NDNF: variants seen among roughly 807,000 people sequenced by gnomAD.
NDNF encodes protein NDNF.
In NDNF, 16 loss-of-function variants were observed where a neutral mutation model predicts 42.0. That is an observed-to-expected ratio of 0.38 (90% CI 0.26 to 0.58). NDNF has a LOEUF of 0.58. NDNF is among the 20% of genes least tolerant of loss of function. NDNF has a pLI of 0.67. For synonymous variants in NDNF, 248 were observed against 251.7 expected, an observed-to-expected ratio of 0.99 and a Z score of 0.14; for missense variants, 616 against 666.2, an observed-to-expected ratio of 0.92 and a Z score of 0.83.
rs1179547208 is a variant in NDNF, at chr4:121,036,754, T to G, written c.1217A>C (p.Gln406Pro). ...LLSQNVEGIQ[Q>P]FQLRGKPKAK... ...TTTAGGTTTTCCTCTAAGCTGAAAC[T>G]GCTGAATGCCTTCCACATTCTGAGA... Residue 406 changes from glutamine to proline, a missense_variant, in exon 4 of 4, where the codon CAG becomes CCG. Coordinates refer to ENST00000379692, the MANE Select transcript of NDNF (RefSeq NM_024574.4). 6.2e-7 allele frequency: 1 copy of G among 1,614,162 alleles called. No homozygotes were observed. Among genetic ancestry groups the G allele is most frequent in the South Asian group, 1.1e-5 (1 of 91,076 alleles).
At chr4:121,040,722 A>G (rs531713764) in intron 2 of NDNF, among the ~76,000 whole-genome samples, 1 of 152,284 alleles carries the variant, frequency 6.6e-6, no homozygotes, top group African/African-American at 2.4e-5. Flanking sequence ...AGCTCCCTGC[A>G]GCCTCAAACT....
intron 1 of NDNF, chr4:121,061,105 A>C (rs1342756891): frequency 6.6e-6 from 1 of 152,214 alleles, no homozygotes; most frequent in African/African-American, 2.4e-5. Flanking sequence ...GTAACTTAAA[A>C]GGAACAGTCT....
chr4:121,046,755 T>C (rs1413584321), intron 1 of NDNF, among the ~76,000 whole-genome samples: 2 of 152,244 alleles, frequency 1.3e-5, no homozygotes, highest in South Asian at 2.1e-4. Context: ...TAAGTAATGA[T>C]GGATCATTCT....
intron 2 of NDNF, among the ~76,000 whole-genome samples, chr4:121,042,967 A>C (rs1279086690): frequency 2.0e-5 from 3 of 152,236 alleles, no homozygotes; most frequent in Non-Finnish European, 4.4e-5. Flanking sequence ...CATATAAAGC[A>C]GCAGGGAGAC....
chr4:121,049,569 T>A (rs1482413463), intron 1 of NDNF, among the ~76,000 whole-genome samples: 6 of 152,172 alleles, frequency 3.9e-5, no homozygotes, highest in African/African-American at 1.4e-4. Context: ...CTAGCATCCA[T>A]GAAACTATGA....
At chr4:121,058,184 T>C (rs577467440) in intron 1 of NDNF, among the ~76,000 whole-genome samples, 2 of 152,340 alleles carry the variant, frequency 1.3e-5, no homozygotes, top group African/African-American at 2.4e-5. Flanking sequence ...TGCTGAATTA[T>C]ACTGTTTTCA....
rs748129662 is a variant in NDNF at position 121,037,676 on chromosome 4, G to C, written c.314-19C>G. On this transcript the variant is annotated intron_variant, in intron 3 of 3. Transcript: ENST00000379692. ...AGATCACCTAGAAAATACAGGAGAA[G>C]CACAGGCTACTGTCAGGGCATACAC... is the stretch of plus-strand genomic sequence containing the variant. 3.2e-6 allele frequency: 5 copies of C among 1,549,538 alleles called. No homozygotes were observed. The Admixed American group carries it at 5.5e-5, about 17-fold the overall frequency.
At chr4:121,060,437 T>A (rs1381272827) in intron 1 of NDNF, among the ~76,000 whole-genome samples, 2 of 152,136 alleles carry the variant, frequency 1.3e-5, no homozygotes, top group Non-Finnish European at 2.9e-5. Flanking sequence ...TGCCTTGGCC[T>A]TCCAGAGTGT....
intron 1 of NDNF, among the ~76,000 whole-genome samples, chr4:121,068,717 CAG>C (rs145199614): frequency 8.0e-4 from 118 of 147,636 alleles, no homozygotes; most frequent in Non-Finnish European, 8.6e-4. Flanking sequence ...AAAAGTGAGA[CAG>C]AGAGAGAGAG....
chr4:121,036,370 C>T lies in NDNF; in HGVS notation c.1601G>A (p.Gly534Asp), dbSNP rs1726864695. Residue 534 changes from glycine to aspartate, a missense_variant, in exon 4 of 4, where the codon GGT becomes GAT. Coordinates refer to ENST00000379692, the MANE Select transcript of NDNF (RefSeq NM_024574.4). Reference protein sequence around the residue: ...QKAVTTETIKGLQPGKSYLLD... With the variant: ...QKAVTTETIKDLQPGKSYLLD... ...CAGGTAAGATTTGCCAGGCTGAAGA[C>T]CTTTAATTGTTTCTGTGGTCACTGC... is the stretch of plus-strand genomic sequence containing the variant. 6.2e-7 allele frequency: 1 copy of T among 1,614,106 alleles called. No individual in the cohort carries two copies. Among genetic ancestry groups the T allele is most frequent in the Non-Finnish European group, 8.5e-7 (1 of 1,180,020 alleles).
chr4:121,066,310 G>C, intron 1 of NDNF, among the ~76,000 whole-genome samples: 1 of 152,140 alleles, frequency 6.6e-6, no homozygotes, highest in South Asian at 2.1e-4. Flanking sequence ...TGGTGTTTCT[G>C]ATCTGTCCCA....
rs1208720821 is a variant in NDNF, at chr4:121,051,648, A to G, written c.-1-5810T>C. On this transcript the variant is annotated intron_variant, in intron 1 of 3. Transcript: ENST00000379692. ...AGTTCTACTGCTGTCATTTTGCAAA[A>G]TTTATCTGCAATTACATAAGATCAA... Among the ~76,000 whole-genome samples, 4 of 152,152 alleles carry G rather than the reference A, an allele frequency of 2.6e-5. No homozygotes were observed. In the East Asian group the frequency reaches 7.7e-4, roughly 29 times the overall value.
chr4:121,037,053 G>C lies in NDNF; in HGVS notation c.918C>G (p.Pro306=). 6.2e-7 allele frequency: 1 copy of C among 1,613,880 alleles called. No individual in the cohort carries two copies. Among genetic ancestry groups the C allele is most frequent in the Non-Finnish European group, 8.5e-7 (1 of 1,179,998 alleles). The stretch of plus-strand genomic sequence containing the variant: ...ATACATCAAAGTAGTACTGCGTGTC[G>C]GGTTTCAGATCAGAGACGGTGAAGA... The part of the protein sequence containing the change: ...KNIFTVSDLK[P]DTQYYFDVFV... Residue 306 remains proline, a synonymous_variant, in exon 4 of 4, where the codon CCC becomes CCG. Transcript: ENST00000379692.
In NDNF at chr4:121,037,297, CAG is replaced by C; in HGVS notation, c.672_673del (p.Ala226SerfsTer9). 1.9e-6 allele frequency: 3 copies of C among 1,614,112 alleles called. No individual in the cohort carries two copies. Among genetic ancestry groups the C allele is most frequent in the Non-Finnish European group, 2.5e-6 (3 of 1,180,016 alleles). On this transcript the variant is annotated frameshift_variant, in exon 4 of 4. Coordinates refer to ENST00000379692, the MANE Select transcript of NDNF (RefSeq NM_024574.4). LOFTEE classifies it high-confidence loss of function. ...TGCACTCAGTTTTGCTTCCACTGCA[CAG>C]AGACTTTTGAAATTGTGCTCTTTGT...
At chr4:121,045,348 T>C (rs1285617328) in intron 2 of NDNF, among the ~76,000 whole-genome samples, 1 of 145,216 alleles carries the variant, frequency 6.9e-6, no homozygotes, top group Non-Finnish European at 1.5e-5. Context: ...CGAGACTCCG[T>C]CTCAGGGAAA....
At chr4:121,037,679 C>G (rs773016317) in intron 3 of NDNF, 22 bp from the exon 4 acceptor site, 4 of 1,546,298 alleles carry the variant, frequency 2.6e-6, no homozygotes, top group African/African-American at 2.7e-5. Context: ...AGGAGAAGCA[C>G]AGGCTACTGT....
chr4:121,036,207 A>T lies in NDNF; in HGVS notation c.*57T>A. 1 of 1,401,276 alleles carries T rather than the reference A, an allele frequency of 7.1e-7. No homozygotes were observed. The highest frequency in any genetic ancestry group is 9.7e-7 in the Non-Finnish European group (1 of 1,026,928). 86.8% of individuals were successfully genotyped at this position (1,401,276 alleles called of 1,614,324 possible). On this transcript the variant is annotated 3_prime_UTR_variant, in exon 4 of 4. Transcript: ENST00000379692. ...CTGTGGGAGTAGTCAGTTTATACTT[A>T]AAGTGATTTAATGTCCCTCCTGGAG...
chr4:121,039,192 GTATATATATATA>G lies in NDNF; in HGVS notation c.313+726_313+737del, dbSNP rs57613027. Among the ~76,000 whole-genome samples the G allele has an allele frequency of 7.4e-4, 16 of 21,558 alleles. 1 individual carries two copies. Among genetic ancestry groups the G allele is most frequent in the African/African-American group, 1.1e-3 (7 of 6,620 alleles). 14.1% of individuals were successfully genotyped at this position (21,558 alleles called of 152,430 possible). ...ATATAAAGACTATGTGTGTGTGTGT[GTATATATATATA>G]TATATATATATATATATATATATAT... is the stretch of plus-strand genomic sequence containing the variant. On this transcript the variant is annotated intron_variant, in intron 3 of 3. Transcript: ENST00000379692.
rs929056418 is a variant in NDNF at position 121,036,261 on chromosome 4, T to C, written c.*3A>G. On this transcript the variant is annotated 3_prime_UTR_variant, in exon 4 of 4. Transcript: ENST00000379692. ...TACATAATATATCTCTATAAGAAGG[T>C]AACTAACAGAACTTTCTAGTTTTCA... The C allele has an allele frequency of 5.7e-6, 9 of 1,588,458 alleles. No homozygotes were observed. The highest frequency in any genetic ancestry group is 6.8e-6 in the Non-Finnish European group (8 of 1,170,362).
Sources: gnomAD v4.1 joint callset for allele counts (sites outside exome capture counted in the v4.1 genomes callset) on GRCh38, gnomAD v4.1.1 for gene constraint, MANE v1.5 for transcripts, NCBI Gene and HGNC (gene_info 2026-07-23, HGNC 2026-07-21) for gene names.